Variants in CSMD1 observed in about 807,000 individuals in gnomAD.
The protein encoded by CSMD1 is CUB and Sushi multiple domains 1.
In CSMD1, 213 loss-of-function variants were observed where a neutral mutation model predicts 417.5. The observed-to-expected ratio is 0.51, with a 90% CI of 0.46 to 0.57. The LOEUF (loss-of-function observed/expected upper bound fraction) is 0.57. CSMD1 is among the 20% of genes least tolerant of loss of function. The pLI is 0.00. For synonymous variants in CSMD1, 2,862 were observed against 1,736.8 expected, an observed-to-expected ratio of 1.65 and a Z score of -16.11; for missense variants, 6,923 against 4,529.7, an observed-to-expected ratio of 1.53 and a Z score of -15.17.
chr8:3,673,083 A>G (rs528958300), intron 7 of CSMD1, among the ~76,000 whole-genome samples: 98 of 152,342 alleles, frequency 6.4e-4, no homozygotes, highest in Middle Eastern at 3.4e-3. Flanking sequence ...TAAATGTTCA[A>G]TAAATGCTTA....
chr8:3,295,337 A>G (rs1235215268), intron 25 of CSMD1, among the ~76,000 whole-genome samples: 1 of 151,994 alleles, frequency 6.6e-6, no homozygotes, highest in African/African-American at 2.4e-5. Context: ...TGTGTTAGCC[A>G]GGAAGGTCTC....
intron 3 of CSMD1, among the ~76,000 whole-genome samples, chr8:4,388,774 T>G (rs1234662168): frequency 6.6e-6 from 1 of 152,234 alleles, no homozygotes; most frequent in Non-Finnish European, 1.5e-5. Flanking sequence ...TGTCTTTCTG[T>G]GTATTCAGTC....
At chr8:3,064,912 G>C (rs1188584571) in intron 49 of CSMD1, among the ~76,000 whole-genome samples, 1 of 152,114 alleles carries the variant, frequency 6.6e-6, no homozygotes, top group Non-Finnish European at 1.5e-5. Flanking sequence ...TTTATTCCCA[G>C]GGTATAAGCA....
chr8:4,431,136 A>G (rs1022470106), intron 2 of CSMD1, among the ~76,000 whole-genome samples: 9 of 152,116 alleles, frequency 5.9e-5, no homozygotes, highest in African/African-American at 1.9e-4. Flanking sequence ...AAAAGAGGTG[A>G]GGCTCTAAAT....
At chr8:3,389,851 CTTCCA>C (rs1811240707) in intron 17 of CSMD1, among the ~76,000 whole-genome samples, 1 of 152,116 alleles carries the variant, frequency 6.6e-6, no homozygotes, top group African/African-American at 2.4e-5. Context: ...TGCCATAATA[CTTCCA>C]TTCATTTTTA....
chr8:3,583,092 T>C (rs1800450569), intron 9 of CSMD1, among the ~76,000 whole-genome samples: 1 of 152,166 alleles, frequency 6.6e-6, no homozygotes, highest in Admixed American at 6.5e-5. Context: ...GACCTCTTCC[T>C]GGGGAGCCTG....
intron 9 of CSMD1, among the ~76,000 whole-genome samples, chr8:3,585,821 C>T (rs1447784894): frequency 6.6e-6 from 1 of 152,100 alleles, no homozygotes; most frequent in Non-Finnish European, 1.5e-5. Context: ...CCGGCAGGTC[C>T]AGCTGTGGGA....
chr8:4,355,323 A>ACACACG (rs563709217), intron 3 of CSMD1, among the ~76,000 whole-genome samples: 1 of 106,168 alleles, frequency 9.4e-6, no homozygotes, highest in Non-Finnish European at 2.3e-5. Flanking sequence ...ACACACACAC[A>ACACACG]CGCACACACA....
chr8:3,421,916 G>T (rs958033780), intron 12 of CSMD1, among the ~76,000 whole-genome samples: 1 of 151,622 alleles, frequency 6.6e-6, no homozygotes, highest in Admixed American at 6.6e-5. Flanking sequence ...GGGATTACAG[G>T]CGTGAGCCAC....
chr8:3,328,669 A>G (rs1370063441), intron 23 of CSMD1, among the ~76,000 whole-genome samples: 1 of 152,230 alleles, frequency 6.6e-6, no homozygotes, highest in East Asian at 1.9e-4. Context: ...ATCAGAGTTG[A>G]CAAAAATACA....
intron 2 of CSMD1, among the ~76,000 whole-genome samples, chr8:4,611,991 G>C (rs1413453516): frequency 6.6e-6 from 1 of 152,040 alleles, no homozygotes; most frequent in Non-Finnish European, 1.5e-5. Context: ...TAAGTGCTCA[G>C]GTCTGAAATA....
intron 4 of CSMD1, among the ~76,000 whole-genome samples, chr8:4,016,908 T>C (rs1455324101): frequency 1.3e-5 from 2 of 152,194 alleles, no homozygotes; most frequent in Non-Finnish European, 2.9e-5. Flanking sequence ...CAATCCCAAA[T>C]GCCATAATCC....
At chr8:4,082,500 C>T (rs924120233) in intron 3 of CSMD1, among the ~76,000 whole-genome samples, 1 of 152,072 alleles carries the variant, frequency 6.6e-6, no homozygotes, top group Non-Finnish European at 1.5e-5. Flanking sequence ...ATAACAAAGT[C>T]TGTCAAAGAC....
chr8:4,784,002 G>A (rs1321876608), intron 1 of CSMD1, among the ~76,000 whole-genome samples: 9 of 152,130 alleles, frequency 5.9e-5, no homozygotes, highest in African/African-American at 1.9e-4. Flanking sequence ...TAATCAGTAC[G>A]ATTAGTGAAA....
chr8:3,040,478 A>G (rs1811014782), intron 50 of CSMD1, among the ~76,000 whole-genome samples: 1 of 149,754 alleles, frequency 6.7e-6, no homozygotes, highest in Non-Finnish European at 1.5e-5. Context: ...CTATATATAT[A>G]AACATATAAA....
rs1808003811 is a variant in CSMD1, at chr8:4,707,290, G to C, written c.86-69732C>G. Among the ~76,000 whole-genome samples, 3 of 152,124 alleles carry C rather than the reference G, an allele frequency of 2.0e-5. No individual in the cohort carries two copies. In the South Asian group the frequency reaches 6.2e-4, roughly 32 times the overall value. On this transcript the variant is annotated intron_variant, in intron 1 of 69. Coordinates refer to ENST00000635120, the MANE Select transcript of CSMD1 (RefSeq NM_033225.6). ...GGAATATTAGGTCTTTAAACATGAG[G>C]AAATTGAAGCTTGGAGAAGTTAAAT...
chr8:4,290,298 G>A (rs181214020), intron 3 of CSMD1, among the ~76,000 whole-genome samples: 3 of 152,080 alleles, frequency 2.0e-5, no homozygotes, highest in Non-Finnish European at 2.9e-5. Flanking sequence ...TATGTCTACA[G>A]ATGTGAAATT....
At chr8:3,478,516 T>C (rs1053054728) in intron 11 of CSMD1, among the ~76,000 whole-genome samples, 2 of 152,100 alleles carry the variant, frequency 1.3e-5, no homozygotes, top group African/African-American at 4.8e-5. Context: ...TAAAATGTGA[T>C]AGGAGAAAGA....
chr8:3,288,532 A>G (rs1161620222), intron 25 of CSMD1, among the ~76,000 whole-genome samples: 2 of 147,038 alleles, frequency 1.4e-5, no homozygotes, highest in Non-Finnish European at 2.9e-5. Flanking sequence ...TCTTGGCAGG[A>G]TGTATGTGTC....
Sources: gnomAD v4.1 joint callset for allele counts (sites outside exome capture counted in the v4.1 genomes callset) on GRCh38, gnomAD v4.1.1 for gene constraint, MANE v1.5 for transcripts, NCBI Gene and HGNC (gene_info 2026-07-23, HGNC 2026-07-21) for gene names.